Variants in SLC8A1 observed in about 807,000 individuals in gnomAD.
SLC8A1 encodes the protein sodium/calcium exchanger 1.
A neutral mutation model predicts 68.3 loss-of-function variants in SLC8A1; 18 were observed. The observed-to-expected ratio is 0.26, with a 90% CI of 0.18 to 0.39. The LOEUF (loss-of-function observed/expected upper bound fraction) is 0.39, where lower values mean the gene tolerates loss of function less well. Among genes scored for constraint, SLC8A1 ranks in the 10% least tolerant of loss-of-function variants. The pLI is 1.00. For synonymous variants in SLC8A1, 475 were observed against 415.5 expected (o/e 1.14, Z -1.74); for missense variants, 985 against 1,156.7 (o/e 0.85, Z 2.15).
intron 1 of SLC8A1, among the ~76,000 whole-genome samples, chr2:40,477,524 C>G (rs187616853): frequency 6.6e-6 from 1 of 152,142 alleles, no homozygotes; most frequent in Non-Finnish European, 1.5e-5. Flanking sequence ...AAGCACCACC[C>G]AAATGCCAAA....
chr2:40,200,244 A>ATATATG lies in SLC8A1; in HGVS notation c.1809-22390_1809-22389insCATATA, dbSNP rs1558723221. 1.7e-3 allele frequency among the ~76,000 whole-genome samples: 28 copies of ATATATG among 16,146 alleles called. 7 individuals are homozygous for ATATATG. Among genetic ancestry groups the ATATATG allele is most frequent in the African/African-American group, 4.0e-3 (26 of 6,448 alleles). The allele number at this position is 16,146 out of a possible 152,430, so 10.6% of individuals were successfully genotyped here. ...TTTTTTTATATATATATATAAATATATATATATATATATATATATATATAA... is the reference window on the plus strand; with the variant it reads ...TTTTTTTATATATATATATAAATATATATATGTATATATATATATATATATATATAA... On this transcript the variant is annotated intron_variant, in intron 2 of 7. Coordinates refer to ENST00000406785, the Ensembl canonical transcript of SLC8A1.
intron 1 of SLC8A1, among the ~76,000 whole-genome samples, chr2:40,507,131 A>C (rs1229807190): frequency 1.3e-5 from 2 of 152,014 alleles, no homozygotes; most frequent in Non-Finnish European, 2.9e-5. Context: ...ATGAATGTAA[A>C]ATTAAATGAA....
chr2:40,195,437 G>T (rs1358238179), intron 2 of SLC8A1, among the ~76,000 whole-genome samples: 1 of 151,968 alleles, frequency 6.6e-6, no homozygotes, highest in Non-Finnish European at 1.5e-5. Flanking sequence ...GAGAAAATTG[G>T]TTGGGATCAG....
chr2:40,485,529 T>C (rs1198819711), intron 1 of SLC8A1, among the ~76,000 whole-genome samples: 1 of 152,236 alleles, frequency 6.6e-6, no homozygotes, highest in East Asian at 1.9e-4. Flanking sequence ...TGTTAAGCAA[T>C]GAGCCAGGTG....
At chr2:40,472,268 C>T (rs1704031191) in intron 1 of SLC8A1, among the ~76,000 whole-genome samples, 1 of 152,104 alleles carries the variant, frequency 6.6e-6, no homozygotes, top group Non-Finnish European at 1.5e-5. Context: ...CAAATTATTC[C>T]TTTAATCTCT....
intron 1 of SLC8A1, among the ~76,000 whole-genome samples, chr2:40,446,090 G>A (rs1303014239): frequency 6.6e-6 from 1 of 152,164 alleles, no homozygotes; most frequent in Non-Finnish European, 1.5e-5. Context: ...AAGCTCAACT[G>A]TAAAAGCACC....
At chr2:40,162,526 A>G (rs1036929216) in intron 5 of SLC8A1, among the ~76,000 whole-genome samples, 3 of 152,238 alleles carry the variant, frequency 2.0e-5, no homozygotes, top group Non-Finnish European at 4.4e-5. Context: ...CAAATGTTTA[A>G]GATAAACTAA....
intron 7 of SLC8A1, among the ~76,000 whole-genome samples, chr2:40,134,095 G>GTCTTTT (rs59189337): frequency 6.7e-6 from 1 of 148,976 alleles, no homozygotes. Flanking sequence ...TTGTTTGTTT[G>GTCTTTT]TGTTTTTTTT....
intron 2 of SLC8A1, among the ~76,000 whole-genome samples, chr2:40,350,072 T>C (rs890426388): frequency 2.6e-5 from 4 of 152,200 alleles, no homozygotes; most frequent in Non-Finnish European, 5.9e-5. Flanking sequence ...TTTTATTAAT[T>C]TTTTGTTGTT....
chr2:40,410,049 C>A (rs1691615904), intron 2 of SLC8A1, among the ~76,000 whole-genome samples: 1 of 151,924 alleles, frequency 6.6e-6, no homozygotes, highest in African/African-American at 2.4e-5. Context: ...AAAAAGGGGG[C>A]AACTTCTGGA....
intron 7 of SLC8A1, among the ~76,000 whole-genome samples, chr2:40,125,340 G>C (rs1280625292): frequency 1.3e-5 from 2 of 152,156 alleles, no homozygotes; most frequent in African/African-American, 4.8e-5. Flanking sequence ...ATCAGGATCT[G>C]GCCTGGGATC....
At chr2:40,161,044 A>G (rs187615985) in intron 5 of SLC8A1, among the ~76,000 whole-genome samples, 180 bp from the exon 9 acceptor site, 113 of 152,304 alleles carry the variant, frequency 7.4e-4, no homozygotes, top group Middle Eastern at 3.4e-3. Context: ...CCTTAGTTGG[A>G]AACATTCTGA....
intron 1 of SLC8A1, among the ~76,000 whole-genome samples, chr2:40,476,241 A>G (rs972091448): frequency 6.6e-6 from 1 of 152,184 alleles, no homozygotes; most frequent in Non-Finnish European, 1.5e-5. Flanking sequence ...GAGCCTATAG[A>G]AACTCTGGAC....
At chr2:40,198,530 TTTC>T (rs1303325614) in intron 2 of SLC8A1, among the ~76,000 whole-genome samples, 1 of 151,966 alleles carries the variant, frequency 6.6e-6, no homozygotes, top group African/African-American at 2.4e-5. Context: ...TATTTATTGA[TTTC>T]TTTTTTAAAA....
At chr2:40,330,609 T>C (rs2076313260) in intron 2 of SLC8A1, among the ~76,000 whole-genome samples, 2 of 152,228 alleles carry the variant, frequency 1.3e-5, no homozygotes, top group Non-Finnish European at 2.9e-5. Flanking sequence ...ATCAATAAAT[T>C]ACTATTATAA....
chr2:40,317,110 T>C (rs544977951), intron 2 of SLC8A1, among the ~76,000 whole-genome samples: 3 of 152,118 alleles, frequency 2.0e-5, no homozygotes, highest in African/African-American at 7.2e-5. Context: ...AGAATTAAGA[T>C]TGCATAATAT....
At chr2:40,109,810 A>G (rs188423871) in exon 8 of SLC8A1, 52 of 152,286 alleles carry the variant, frequency 3.4e-4, no homozygotes, top group African/African-American at 1.2e-3. Context: ...AAAAATGTGA[A>G]CCACTGAGGC....
chr2:40,356,728 A>C (rs1202483126), intron 2 of SLC8A1, among the ~76,000 whole-genome samples: 1 of 152,170 alleles, frequency 6.6e-6, no homozygotes, highest in Non-Finnish European at 1.5e-5. Flanking sequence ...TAAGGGAGAC[A>C]AGCACTTATG....
chr2:40,262,244 A>G (rs2064811739), intron 2 of SLC8A1, among the ~76,000 whole-genome samples: 1 of 152,158 alleles, frequency 6.6e-6, no homozygotes, highest in Non-Finnish European at 1.5e-5. Flanking sequence ...TACAGGCATG[A>G]GCCACCGCAC....
Sources: gnomAD v4.1 joint callset for allele counts (sites outside exome capture counted in the v4.1 genomes callset) on GRCh38, gnomAD v4.1.1 for gene constraint, MANE v1.5 for transcripts, NCBI Gene and HGNC (gene_info 2026-07-23, HGNC 2026-07-21) for gene names.